Variants in TMEM232 observed in about 807,000 individuals in gnomAD.
TMEM232 encodes transmembrane protein 232.
Under a neutral mutation model 78.8 loss-of-function variants are expected in TMEM232, and 80 were observed. That is an observed-to-expected ratio of 1.01 (90% CI 0.85 to 1.22). The LOEUF is 1.22. Among genes scored for constraint, TMEM232 ranks in the 50% most tolerant of loss-of-function variants. TMEM232 has a pLI of 0.00. For synonymous variants in TMEM232, 297 were observed against 254.3 expected, an observed-to-expected ratio of 1.17 and a Z score of -1.60; for missense variants, 881 against 742.2, an observed-to-expected ratio of 1.19 and a Z score of -2.17.
In TMEM232 at chr5:110,572,994, T is replaced by C. The variant is rs141654727; in HGVS notation, c.1277-4369A>G. Among the ~76,000 whole-genome samples, 17 of 152,184 alleles carry C rather than the reference T, an allele frequency of 1.1e-4. No individual in the cohort carries two copies. In the East Asian group the frequency reaches 3.3e-3, roughly 30 times the overall value. ...GCTTTGCGTGACCCTGTGGCAGCTATCAAAGATATCACTTTAAATATACTG... is the reference window on the plus strand; with the variant it reads ...GCTTTGCGTGACCCTGTGGCAGCTACCAAAGATATCACTTTAAATATACTG... On this transcript the variant is annotated intron_variant, in intron 10 of 13. Coordinates refer to ENST00000455884, the MANE Select transcript of TMEM232 (RefSeq NM_001039763.4).
intron 3 of TMEM232, among the ~76,000 whole-genome samples, chr5:110,394,622 C>T (rs1266532170): frequency 6.6e-6 from 1 of 152,130 alleles, no homozygotes; most frequent in Non-Finnish European, 1.5e-5. Context: ...CATAGGTTTG[C>T]GTCTGTTGGG....
chr5:110,438,553 T>A (rs1758685714), intron 12 of TMEM232, among the ~76,000 whole-genome samples: 1 of 152,156 alleles, frequency 6.6e-6, no homozygotes, highest in East Asian at 1.9e-4. Flanking sequence ...TTTTCTATAT[T>A]ATTTATCCAT....
chr5:110,719,525 G>A (rs186179285), intron 1 of TMEM232, among the ~76,000 whole-genome samples: 64 of 151,770 alleles, frequency 4.2e-4, no homozygotes, highest in East Asian at 1.9e-3. Context: ...ACACTTTCTC[G>A]CTTCTTTAGA....
chr5:110,608,970 A>G (rs1047808524), intron 8 of TMEM232, among the ~76,000 whole-genome samples: 1 of 152,100 alleles, frequency 6.6e-6, no homozygotes, highest in Non-Finnish European at 1.5e-5. Context: ...TTTTGTAAAT[A>G]AAGAAACTGA....
At position 110,608,023 on chromosome 5, in the gene TMEM232, T is replaced by C. The variant is rs553445050; in HGVS notation, c.903-1736A>G. 6.4e-3 allele frequency among the ~76,000 whole-genome samples: 971 copies of C among 152,036 alleles called. 6 individuals carry two copies. The highest frequency in any genetic ancestry group is 8.6e-3 in the Non-Finnish European group (583 of 67,882). On this transcript the variant is annotated intron_variant, in intron 8 of 13. Coordinates refer to ENST00000455884, the MANE Select transcript of TMEM232 (RefSeq NM_001039763.4). ...AGAAAGCTATTTGGTTATGCAATTG[T>C]AGTCAGGTTTCTGCCAAATAAGACA... is the stretch of plus-strand genomic sequence containing the variant.
chr5:110,721,671 G>GTATATATATATATATATA (rs1192575850), intron 1 of TMEM232, among the ~76,000 whole-genome samples: 315 of 23,396 alleles, frequency 0.013, 16 homozygotes, highest in African/African-American at 0.024. Flanking sequence ...GTGTGTGTGT[G>GTATATATATATATATATA]TGTATATATA....
chr5:110,705,976 A>C (rs1325835532), intron 1 of TMEM232, among the ~76,000 whole-genome samples: 1 of 152,010 alleles, frequency 6.6e-6, no homozygotes, highest in Non-Finnish European at 1.5e-5. Flanking sequence ...TAACTGCTTC[A>C]GATCTTGCTT....
intron 1 of TMEM232, among the ~76,000 whole-genome samples, chr5:110,706,018 G>A (rs540654191): frequency 2.0e-5 from 3 of 151,874 alleles, no homozygotes; most frequent in South Asian, 4.2e-4. Context: ...TAAATTAAAC[G>A]GCTATTTGGT....
chr5:110,607,811 G>A lies in TMEM232; in HGVS notation c.903-1524C>T, dbSNP rs114931960. On this transcript the variant is annotated intron_variant, in intron 8 of 13. Coordinates refer to ENST00000455884, the MANE Select transcript of TMEM232 (RefSeq NM_001039763.4). ...AACAGGTGTTATTTTTCTCCTTTGCGCATCCTCTTCCTCCTGCTTGTAATG... is the reference window on the plus strand; with the variant it reads ...AACAGGTGTTATTTTTCTCCTTTGCACATCCTCTTCCTCCTGCTTGTAATG... 5.6e-3 allele frequency among the ~76,000 whole-genome samples: 843 copies of A among 151,718 alleles called. 9 individuals carry two copies. The highest frequency in any genetic ancestry group is 0.019 in the African/African-American group (794 of 41,428).
chr5:110,588,908 T>C (rs1272947608), intron 10 of TMEM232, among the ~76,000 whole-genome samples: 1 of 152,130 alleles, frequency 6.6e-6, no homozygotes, highest in Non-Finnish European at 1.5e-5. Flanking sequence ...TATTTCACCC[T>C]CTTATACAAG....
chr5:110,485,702 C>T (rs1432952271), intron 12 of TMEM232, among the ~76,000 whole-genome samples: 2 of 151,998 alleles, frequency 1.3e-5, no homozygotes, highest in Admixed American at 1.3e-4. Context: ...TTTCTTTATC[C>T]ACTTGTTGAT....
intron 10 of TMEM232, among the ~76,000 whole-genome samples, chr5:110,586,591 CA>C (rs1778844641): frequency 6.7e-6 from 1 of 149,422 alleles, no homozygotes; most frequent in Admixed American, 6.6e-5. Flanking sequence ...CACACACACA[CA>C]CAATTACACA....
At chr5:110,421,642 T>G (rs1756659060) in intron 13 of TMEM232, among the ~76,000 whole-genome samples, 1 of 152,140 alleles carries the variant, frequency 6.6e-6, no homozygotes, top group South Asian at 2.1e-4. Flanking sequence ...ATTATCAACC[T>G]ATCAATTAAT....
At chr5:110,735,870 G>C (rs529767794) in intron 1 of TMEM232, among the ~76,000 whole-genome samples, 2 of 152,142 alleles carry the variant, frequency 1.3e-5, no homozygotes, top group Non-Finnish European at 2.9e-5. Flanking sequence ...GATCTTAGAA[G>C]GGGATCCTCC....
At chr5:110,524,260 CAAAA>C (rs111668182) in intron 12 of TMEM232, among the ~76,000 whole-genome samples, 1 of 59,508 alleles carries the variant, frequency 1.7e-5, no homozygotes, top group Admixed American at 1.9e-4. Flanking sequence ...GACTCAGTCT[CAAAA>C]AAAAAAAAAA....
chr5:110,627,590 C>A (rs1383566574), intron 6 of TMEM232, among the ~76,000 whole-genome samples, 191 bp downstream of exon 6: 1 of 151,826 alleles, frequency 6.6e-6, no homozygotes, highest in East Asian at 1.9e-4. Flanking sequence ...AAAGAAATAA[C>A]AAAAGTATGG....
intron 12 of TMEM232, among the ~76,000 whole-genome samples, chr5:110,466,999 G>A (rs1762149608): frequency 6.6e-6 from 1 of 151,624 alleles, no homozygotes; most frequent in South Asian, 2.1e-4. Flanking sequence ...CATTATCTAA[G>A]GTTGATAGAA....
intron 11 of TMEM232, among the ~76,000 whole-genome samples, chr5:110,533,856 A>T (rs1209888489): frequency 1.3e-5 from 2 of 152,132 alleles, no homozygotes; most frequent in African/African-American, 4.8e-5. Context: ...CACACCAGCA[A>T]AGGCAGGCTA....
intron 12 of TMEM232, among the ~76,000 whole-genome samples, chr5:110,498,842 CCCT>C (rs1222941845): frequency 1.3e-5 from 2 of 152,026 alleles, no homozygotes; most frequent in Non-Finnish European, 2.9e-5. Context: ...ACTAAAAAGA[CCCT>C]CCTAATGAAG....
Sources: allele counts gnomAD v4.1 joint callset (sites outside exome capture counted in the v4.1 genomes callset), GRCh38; gene constraint gnomAD v4.1.1; transcripts MANE v1.5; gene names NCBI Gene and HGNC (gene_info 2026-07-23, HGNC 2026-07-21).